The following ADAMTSL1 variants were observed in gnomAD, a reference collection of about 807,000 sequenced individuals.
ADAMTSL1 encodes the protein ADAMTS-like protein 1.
Under a neutral mutation model 201.8 loss-of-function variants are expected in ADAMTSL1, and 126 were observed. The observed-to-expected ratio is 0.62, with a 90% CI of 0.54 to 0.72. The LOEUF (loss-of-function observed/expected upper bound fraction) is 0.72. Among genes scored for constraint, ADAMTSL1 ranks in the 30% least tolerant of loss-of-function variants. The pLI, the probability that ADAMTSL1 is intolerant of heterozygous loss-of-function variation, is 0.00. For missense variants in ADAMTSL1, 2,679 were observed against 2,277.8 expected, an observed-to-expected ratio of 1.18 and a Z score of -3.59; for synonymous variants, 1,121 against 903.4, an observed-to-expected ratio of 1.24 and a Z score of -4.32.
At chr9:18,382,479 G>A (rs765244365) in intron 2 of ADAMTSL1, among the ~76,000 whole-genome samples, 11 of 152,104 alleles carry the variant, frequency 7.2e-5, no homozygotes, top group Admixed American at 2.6e-4. Context: ...GTAAGATTAC[G>A]TTTTTCTTTT....
At chr9:18,507,401 A>G (rs1434190835) in intron 2 of ADAMTSL1, among the ~76,000 whole-genome samples, 1 of 152,190 alleles carries the variant, frequency 6.6e-6, no homozygotes, top group Non-Finnish European at 1.5e-5. Context: ...AGGACAATTT[A>G]AAGATCTACA....
At chr9:18,575,327 G>A (rs1034812572) in intron 4 of ADAMTSL1, among the ~76,000 whole-genome samples, 1 of 152,154 alleles carries the variant, frequency 6.6e-6, no homozygotes, top group African/African-American at 2.4e-5. Context: ...ATGAGGCAGA[G>A]AAACTGATGT....
chr9:18,844,749 C>T (rs1472246811), intron 23 of ADAMTSL1, among the ~76,000 whole-genome samples: 2 of 152,234 alleles, frequency 1.3e-5, no homozygotes, highest in African/African-American at 2.4e-5. Context: ...ATGGCGGGCG[C>T]CCCTCCCCCA....
intron 2 of ADAMTSL1, among the ~76,000 whole-genome samples, chr9:18,254,344 G>GGTTTTTT (rs1831584701): frequency 1.8e-5 from 1 of 55,088 alleles, no homozygotes; most frequent in Non-Finnish European, 3.8e-5. Context: ...TACTCTTTTT[G>GGTTTTTT]GTTTTTTTTT....
Position 18,908,809 on chromosome 9 carries a change from G to A in ADAMTSL1, c.*261G>A, listed in dbSNP as rs1462438284. On this transcript the variant is annotated 3_prime_UTR_variant, in exon 29 of 29. Coordinates refer to ENST00000380548, the MANE Select transcript of ADAMTSL1 (RefSeq NM_001040272.6). ...TTGCAGAGCAGGCCAGGCAGACAGT[G>A]GGGGCTCCCTTGAAGAGCTTCCTCC... 2 of 365,470 alleles carry A rather than the reference G, an allele frequency of 5.5e-6. No homozygotes were observed. The allele number at this position is 365,470 out of a possible 1,614,324, so 22.6% of individuals were successfully genotyped here.
At chr9:18,829,385 G>T (rs183196414) in intron 22 of ADAMTSL1, among the ~76,000 whole-genome samples, 1 of 152,148 alleles carries the variant, frequency 6.6e-6, no homozygotes, top group African/African-American at 2.4e-5. Flanking sequence ...AGAAATTCCC[G>T]TGGTGTTTAT....
chr9:18,247,957 G>A (rs374942979), intron 2 of ADAMTSL1, among the ~76,000 whole-genome samples: 72 of 152,238 alleles, frequency 4.7e-4, no homozygotes, highest in African/African-American at 1.6e-3. Context: ...TGTCAGCCTA[G>A]GTGGTCATTT....
chr9:18,337,218 C>G (rs536349487), intron 2 of ADAMTSL1, among the ~76,000 whole-genome samples: 1 of 152,108 alleles, frequency 6.6e-6, no homozygotes, highest in Non-Finnish European at 1.5e-5. Flanking sequence ...AGTCTTCCAG[C>G]CTTCATCCTT....
intron 2 of ADAMTSL1, among the ~76,000 whole-genome samples, chr9:18,253,331 C>G (rs1831542470): frequency 6.6e-6 from 1 of 152,146 alleles, no homozygotes; most frequent in African/African-American, 2.4e-5. Flanking sequence ...TGACTAATTT[C>G]TCCTTTATAC....
At chr9:18,294,691 C>G (rs1833404312) in intron 2 of ADAMTSL1, among the ~76,000 whole-genome samples, 2 of 152,138 alleles carry the variant, frequency 1.3e-5, no homozygotes, top group Admixed American at 1.3e-4. Context: ...AGAGGGGGCT[C>G]TGAACTGAGC....
intron 4 of ADAMTSL1, among the ~76,000 whole-genome samples, chr9:18,614,974 T>C (rs1825607845): frequency 6.6e-6 from 1 of 152,162 alleles, no homozygotes; most frequent in Non-Finnish European, 1.5e-5. Context: ...TGTTTTCCCA[T>C]TTTATAGCTA....
chr9:18,897,800 C>G (rs779007812), intron 26 of ADAMTSL1, among the ~76,000 whole-genome samples: 2 of 152,190 alleles, frequency 1.3e-5, no homozygotes, highest in Non-Finnish European at 2.9e-5. Flanking sequence ...CTCTTCTCCT[C>G]TAAATGAATC....
chr9:18,545,356 A>T (rs1235181899), intron 3 of ADAMTSL1, among the ~76,000 whole-genome samples: 1 of 152,202 alleles, frequency 6.6e-6, no homozygotes, highest in East Asian at 1.9e-4. Context: ...TCATTTCACC[A>T]TAACACCAGG....
intron 1 of ADAMTSL1, among the ~76,000 whole-genome samples, chr9:18,122,053 T>C (rs1255396300): frequency 6.6e-6 from 1 of 152,182 alleles, no homozygotes; most frequent in Non-Finnish European, 1.5e-5. Context: ...TATGCCTTCC[T>C]TAGTAACTGC....
chr9:17,939,052 A>T (rs896855123), intron 1 of ADAMTSL1, among the ~76,000 whole-genome samples: 7 of 152,050 alleles, frequency 4.6e-5, no homozygotes, highest in African/African-American at 1.7e-4. Flanking sequence ...ATTCTCTCAA[A>T]TATCCATTGG....
At chr9:18,500,845 T>C (rs1226114099) in intron 1 of ADAMTSL1, among the ~76,000 whole-genome samples, 1 of 152,246 alleles carries the variant, frequency 6.6e-6, no homozygotes, top group Non-Finnish European at 1.5e-5. Context: ...TTAATAGTTG[T>C]TCTTTAGTTC....
chr9:18,323,393 G>C (rs1035836111), intron 2 of ADAMTSL1, among the ~76,000 whole-genome samples: 4 of 152,060 alleles, frequency 2.6e-5, no homozygotes, highest in African/African-American at 9.7e-5. Context: ...TTTTAAATCG[G>C]ATAGACAGCA....
At chr9:18,356,989 G>T (rs539181378) in intron 2 of ADAMTSL1, among the ~76,000 whole-genome samples, 2 of 152,190 alleles carry the variant, frequency 1.3e-5, no homozygotes, top group East Asian at 3.9e-4. Context: ...TGTGTACATG[G>T]AATCCTTTGA....
chr9:18,294,215 A>G (rs887540963), intron 2 of ADAMTSL1, among the ~76,000 whole-genome samples: 3 of 152,226 alleles, frequency 2.0e-5, no homozygotes, highest in Non-Finnish European at 4.4e-5. Flanking sequence ...TTAAAGTTCA[A>G]AAAGAATCCA....
Sources: allele counts gnomAD v4.1 joint callset (sites outside exome capture counted in the v4.1 genomes callset), GRCh38; gene constraint gnomAD v4.1.1; transcripts MANE v1.5; gene names NCBI Gene and HGNC (gene_info 2026-07-23, HGNC 2026-07-21).